The following COL6A3 variants were observed in gnomAD, a reference collection of about 807,000 sequenced individuals.
COL6A3 encodes collagen type VI alpha 3 chain.
A neutral mutation model predicts 274.1 loss-of-function variants in COL6A3; 137 were observed. The observed-to-expected ratio is 0.50, with a 90% CI of 0.44 to 0.58. The LOEUF (loss-of-function observed/expected upper bound fraction) is 0.58, where lower values mean the gene tolerates loss of function less well. Ranked by LOEUF, COL6A3 falls within the 20% of genes least tolerant of loss-of-function variation. COL6A3 has a pLI of 0.00. For synonymous variants in COL6A3, 1,650 were observed against 1,650.6 expected, an observed-to-expected ratio of 1.00 and a Z score of 0.01; for missense variants, 3,950 against 4,124.9, an observed-to-expected ratio of 0.96 and a Z score of 1.16.
chr2:237,338,448 C>A lies in COL6A3; in HGVS notation c.8567+567G>T, dbSNP rs113746649. Among the ~76,000 whole-genome samples the A allele has an allele frequency of 5.3e-4, 80 of 152,302 alleles. 1 individual carries two copies. The highest frequency in any genetic ancestry group is 3.4e-3 in the Middle Eastern group (1 of 294). On this transcript the variant is annotated intron_variant, in intron 39 of 43. Coordinates refer to ENST00000295550, the MANE Select transcript of COL6A3 (RefSeq NM_004369.4). Reference sequence around the variant, plus strand: ...GTTGAGCCCAAACAAAAATTGCTAACCCACAGAATTGCAAATTAAATAAGT... The same window carrying A: ...GTTGAGCCCAAACAAAAATTGCTAAACCACAGAATTGCAAATTAAATAAGT...
At chr2:237,383,084 C>T (rs1432686216) in intron 4 of COL6A3, among the ~76,000 whole-genome samples, 2 of 152,184 alleles carry the variant, frequency 1.3e-5, no homozygotes, top group Non-Finnish European at 2.9e-5. Flanking sequence ...CAAGGGTGAG[C>T]CACCACATCC....
In COL6A3 at chr2:237,360,558, T is replaced by C. The variant is rs373968444; in HGVS notation, c.6211-399A>G. Among the ~76,000 whole-genome samples, 643 of 152,240 alleles carry C rather than the reference T, an allele frequency of 4.2e-3. 5 individuals carry two copies. Among genetic ancestry groups the C allele is most frequent in the African/African-American group, 0.015 (612 of 41,552 alleles). ...CGGCTGGGCCCTGGTGACCACACTGTTCCTCGTGAGCCCCTCTGTCCCCTA... is the reference window on the plus strand; with the variant it reads ...CGGCTGGGCCCTGGTGACCACACTGCTCCTCGTGAGCCCCTCTGTCCCCTA... On this transcript the variant is annotated intron_variant, in intron 16 of 43. Coordinates refer to ENST00000295550, the MANE Select transcript of COL6A3 (RefSeq NM_004369.4).
At chr2:237,345,322 AC>A in intron 32 of COL6A3, 109 bp from the exon 33 acceptor site, 2 of 1,020,246 alleles carry the variant, frequency 2.0e-6, no homozygotes, top group Non-Finnish European at 3.1e-6. Flanking sequence ...CCCCTGGATA[AC>A]CTTGATTGTT....
chr2:237,333,670 G>A, intron 41 of COL6A3, 122 bp from the exon 42 acceptor site: 1 of 814,348 alleles, frequency 1.2e-6, no homozygotes, highest in South Asian at 1.5e-5. Context: ...AGTGGTGATT[G>A]AAAGACACAG....
At chr2:237,397,881 T>C (rs1183987922) in intron 1 of COL6A3, among the ~76,000 whole-genome samples, 2 of 152,222 alleles carry the variant, frequency 1.3e-5, no homozygotes, top group Non-Finnish European at 2.9e-5. Context: ...CAATTAAACC[T>C]TCTTTTCCTC....
At chr2:237,354,577 G>A (rs2077276258) in intron 24 of COL6A3, among the ~76,000 whole-genome samples, 1 of 152,108 alleles carries the variant, frequency 6.6e-6, no homozygotes, top group Admixed American at 6.5e-5. Flanking sequence ...CCTATGACCT[G>A]GAAGCCTCCT....
Position 237,332,070 on chromosome 2 carries a change from CATATATATATATATATATATAT to C in COL6A3, c.9328+1358_9328+1379del, listed in dbSNP as rs58082340. 5.0e-3 allele frequency among the ~76,000 whole-genome samples: 177 copies of C among 35,184 alleles called. 11 individuals are homozygous for C. Among genetic ancestry groups the C allele is most frequent in the Middle Eastern group, 0.04 (2 of 50 alleles). 23.1% of individuals were successfully genotyped at this position (35,184 alleles called of 152,430 possible). A position where few individuals can be genotyped will look rare whatever the true frequency, so the allele number is the denominator to read the frequency against. On this transcript the variant is annotated intron_variant, in intron 42 of 43. Transcript: ENST00000295550. The stretch of plus-strand genomic sequence containing the variant: ...CCCCCCATCTCTCTCTCTCTCTCTA[CATATATATATATATATATATAT>C]ATATATATATATATATATATATATA...
Position 237,364,511 on chromosome 2 carries a change from GT to G in COL6A3, c.5839-84del, listed in dbSNP as rs1433332317. 1.9e-6 allele frequency: 2 copies of G among 1,060,692 alleles called. No individual in the cohort carries two copies. The highest frequency in any genetic ancestry group is 3.1e-5 in the African/African-American group (2 of 64,356). The allele number at this position is 1,060,692 out of a possible 1,614,324, so 65.7% of individuals were successfully genotyped here. On this transcript the variant is annotated intron_variant, in intron 12 of 43. Transcript: ENST00000295550. The surrounding 1 kb of genome is among the most constrained non-coding windows in gnomAD (Gnocchi z 4.6). ...CTGATAGAAAACTGAGAGACTCGCT[GT>G]CTCAAGCCCTTCATTTTACACTTAA...
At chr2:237,373,644 G>C (rs961421942) in intron 8 of COL6A3, among the ~76,000 whole-genome samples, 14 of 152,116 alleles carry the variant, frequency 9.2e-5, no homozygotes, top group African/African-American at 3.1e-4. Flanking sequence ...TCTTGGAAGA[G>C]CAGGCAAGTG....
chr2:237,408,603 G>A (rs570735143), intron 1 of COL6A3, among the ~76,000 whole-genome samples: 7 of 152,288 alleles, frequency 4.6e-5, no homozygotes, highest in East Asian at 1.9e-4. Flanking sequence ...AAATTAAACC[G>A]AGCCATGAGC....
At chr2:237,365,427 G>A (rs2077529033) in intron 12 of COL6A3, among the ~76,000 whole-genome samples, 1 of 152,002 alleles carries the variant, frequency 6.6e-6, no homozygotes, top group Non-Finnish European at 1.5e-5. Context: ...GTACCTGACT[G>A]GACTATAATT....
At position 237,367,154 on chromosome 2, in the gene COL6A3, A is replaced by G. The variant is rs1421893942; in HGVS notation, c.5033T>C (p.Val1678Ala). The change falls in exon 11 of 44, where the codon GTG (valine) becomes GCG (alanine). Residue 1678 changes from valine to alanine, a missense_variant. Physicochemically the swap from Val to Ala is moderately conservative, Grantham distance 64. This residue lies in a region of COL6A3 where 632 missense variants were observed against 623.4 expected (regional missense o/e 1.01). Coordinates refer to ENST00000295550, the MANE Select transcript of COL6A3 (RefSeq NM_004369.4). ...TVYEDGDSIQ[V>A]GLVQYNSDPT... ...GTCAGAGTTGTACTGGACAAGCCCC[A>G]CTTGGATGGAGTCGCCATCTTCATA... 1.9e-6 allele frequency: 3 copies of G among 1,614,202 alleles called. No homozygotes were observed. Among genetic ancestry groups the G allele is most frequent in the Non-Finnish European group, 2.5e-6 (3 of 1,180,038 alleles).
chr2:237,351,695 T>C (rs980145620), intron 26 of COL6A3, among the ~76,000 whole-genome samples: 3 of 152,230 alleles, frequency 2.0e-5, no homozygotes, highest in Non-Finnish European at 2.9e-5. Flanking sequence ...TAAATGTTTC[T>C]GGAGCTACTG....
At chr2:237,331,733 A>G (rs906869658) in intron 42 of COL6A3, among the ~76,000 whole-genome samples, 174 of 151,894 alleles carry the variant, frequency 1.1e-3, no homozygotes, top group Non-Finnish European at 1.6e-3. Context: ...TTAAAAAAAA[A>G]AAAAGGTAAT....
chr2:237,404,980 T>C (rs1266950246), intron 1 of COL6A3, among the ~76,000 whole-genome samples: 3 of 152,156 alleles, frequency 2.0e-5, no homozygotes, highest in Non-Finnish European at 2.9e-5. Flanking sequence ...ATACTTCCCA[T>C]TGGAACACAA....
Position 237,394,737 on chromosome 2 carries a change from C to A in COL6A3, c.559G>T (p.Glu187Ter). Residue 187 changes from glutamate (E) to a stop codon, truncating the protein, a stop_gained, in exon 3 of 44, where the codon GAA (glutamate) becomes TAA (stop). Transcript: ENST00000295550. LOFTEE classifies it high-confidence loss of function. ...VEDADEGALK[E>*]IASEPLNMHM... ...ATATTGAGCGGTTCACTTGCTATTTCTTTTAACGCTCCTTCATCTGCATCC... is the reference window on the plus strand; with the variant it reads ...ATATTGAGCGGTTCACTTGCTATTTATTTTAACGCTCCTTCATCTGCATCC... 1 of 1,614,214 alleles carries A rather than the reference C, an allele frequency of 6.2e-7. No homozygotes were observed. The highest frequency in any genetic ancestry group is 2.2e-5 in the East Asian group (1 of 44,888).
At chr2:237,350,318 C>A (rs143332717) in intron 27 of COL6A3, 109 bp from the exon 28 acceptor site, 4 of 933,754 alleles carry the variant, frequency 4.3e-6, no homozygotes, top group Non-Finnish European at 6.9e-6. Context: ...GCTGACTTCA[C>A]CTTTGAGATT....
At chr2:237,384,575 C>T (rs918010449) in intron 4 of COL6A3, among the ~76,000 whole-genome samples, 1 of 152,214 alleles carries the variant, frequency 6.6e-6, no homozygotes, top group Non-Finnish European at 1.5e-5. Context: ...ATGCCACGCT[C>T]GGAACTCCAG....
At chr2:237,346,881 A>C (rs1007865164) in intron 31 of COL6A3, among the ~76,000 whole-genome samples, 1 of 151,988 alleles carries the variant, frequency 6.6e-6, no homozygotes, top group Non-Finnish European at 1.5e-5. Flanking sequence ...TAGGTAACAG[A>C]CAGTGAATTA....
Sources: gnomAD v4.1 joint callset for allele counts (sites outside exome capture counted in the v4.1 genomes callset) on GRCh38, gnomAD v4.1.1 for gene constraint, gnomAD v4.1.1 regional missense constraint, Gnocchi (gnomAD v3.1) non-coding constraint, MANE v1.5 for transcripts, NCBI Gene and HGNC (gene_info 2026-07-23, HGNC 2026-07-21) for gene names.